The following PKD1L1 variants were observed in gnomAD, a reference collection of about 807,000 sequenced individuals.
PKD1L1 encodes polycystin-1-like protein 1.
PKD1L1 carries 236 observed loss-of-function variants against 323.4 expected under a neutral mutation model. That is an observed-to-expected ratio of 0.73 (90% confidence interval 0.66 to 0.81). The LOEUF is 0.81. PKD1L1 is among the 40% of genes least tolerant of loss of function. The pLI is 0.00. For missense variants in PKD1L1, 3,320 were observed against 3,508.0 expected (o/e 0.95, Z 1.35); for synonymous variants, 1,344 against 1,335.0 (o/e 1.01, Z -0.15).
At chr7:47,883,070 C>G (rs1309370152) in intron 19 of PKD1L1, among the ~76,000 whole-genome samples, 1 of 151,262 alleles carries the variant, frequency 6.6e-6, no homozygotes, top group East Asian at 1.9e-4. Flanking sequence ...AATACAAAGG[C>G]AGATCTTTCT....
chr7:47,848,524 T>C (rs1255349076), intron 31 of PKD1L1, among the ~76,000 whole-genome samples: 1 of 152,198 alleles, frequency 6.6e-6, no homozygotes, highest in African/African-American at 2.4e-5. Context: ...ATTATAATCA[T>C]CGAGGCTGGG....
intron 30 of PKD1L1, among the ~76,000 whole-genome samples, chr7:47,854,327 G>T (rs1472839257): frequency 6.6e-6 from 1 of 152,042 alleles, no homozygotes; most frequent in African/African-American, 2.4e-5. Context: ...AGGTGATCAA[G>T]GCCCTGCCCA....
At chr7:47,842,629 T>A (rs1489765915) in intron 34 of PKD1L1, among the ~76,000 whole-genome samples, 1 of 152,140 alleles carries the variant, frequency 6.6e-6, no homozygotes, top group Non-Finnish European at 1.5e-5. Flanking sequence ...GGGACTGTTG[T>A]CTTCAGCCCC....
rs181992221 is a variant in PKD1L1 at position 47,929,947 on chromosome 7, T to A, written c.738-421A>T. Among the ~76,000 whole-genome samples, 553 of 152,354 alleles carry A rather than the reference T, an allele frequency of 3.6e-3. 1 individual carries two copies. The highest frequency in any genetic ancestry group is 6.8e-3 in the Middle Eastern group (2 of 294). The stretch of plus-strand genomic sequence containing the variant: ...CTGTGTTTTTGCGAAAAGCTCCCCG[T>A]GAGGGTGGGTGCCACCCTTTCTACA... On this transcript the variant is annotated intron_variant, in intron 6 of 56. Transcript: ENST00000289672.
chr7:47,818,286 T>C, intron 46 of PKD1L1: 1 of 1,027,090 alleles, frequency 9.7e-7, no homozygotes, highest in Non-Finnish European at 1.3e-6. Context: ...GGCGGGAGGG[T>C]AGGAAAGAGG....
At chr7:47,862,277 G>A (rs1786048933) in intron 26 of PKD1L1, among the ~76,000 whole-genome samples, 7 of 152,188 alleles carry the variant, frequency 4.6e-5, no homozygotes, top group Admixed American at 4.6e-4. Flanking sequence ...GCATGACCAG[G>A]TGTGTTGCTT....
rs367654359 is a variant in PKD1L1, at chr7:47,834,342, G to A, written c.6171C>T (p.Arg2057=). ...CTGCGCATAATGATTGATTTACCTT[G>A]CGTGGCTCCTGTGCGTCTGGTATCC... The part of the protein sequence containing the change: ...WGRIPDAQEP[R]KQPASAILSG... The change falls in exon 40 of 57, where the codon CGC becomes CGT. Residue 2057 remains arginine, a synonymous_variant. Coordinates refer to ENST00000289672, the MANE Select transcript of PKD1L1 (RefSeq NM_138295.5). 1 of 1,613,688 alleles carries A rather than the reference G, an allele frequency of 6.2e-7. No homozygotes were observed. Among genetic ancestry groups the A allele is most frequent in the Non-Finnish European group, 8.5e-7 (1 of 1,179,632 alleles).
At position 47,885,674 on chromosome 7, in the gene PKD1L1, A is replaced by G. The variant is rs1353622935; in HGVS notation, c.3205+12T>C. The G allele has an allele frequency of 1.9e-6, 3 of 1,604,360 alleles. No homozygotes were observed. Among genetic ancestry groups the G allele is most frequent in the South Asian group, 2.2e-5 (2 of 89,598 alleles). Reference sequence around the variant, plus strand: ...GACAAGAGGGATGACATGCAGGAACAGTGGCACTTACCAGAGAGGTGAGGG... The same window carrying G: ...GACAAGAGGGATGACATGCAGGAACGGTGGCACTTACCAGAGAGGTGAGGG... On this transcript the variant is annotated intron_variant, in intron 18 of 56. Coordinates refer to ENST00000289672, the MANE Select transcript of PKD1L1 (RefSeq NM_138295.5).
chr7:47,850,895 G>A (rs1015732947), intron 31 of PKD1L1, among the ~76,000 whole-genome samples: 10 of 152,112 alleles, frequency 6.6e-5, no homozygotes, highest in Non-Finnish European at 1.3e-4. Flanking sequence ...ATTCTAAAAC[G>A]ATTTGGTGTA....
At chr7:47,960,686 T>C in the PKD1L1 span, among the ~76,000 whole-genome samples, 1 of 142,322 alleles carries the variant, frequency 7.0e-6, no homozygotes, top group Non-Finnish European at 1.5e-5. Context: ...AAATAATTTT[T>C]CTAATTAAAA....
At chr7:47,884,173 G>A (rs909935207) in intron 19 of PKD1L1, among the ~76,000 whole-genome samples, 2 of 151,034 alleles carry the variant, frequency 1.3e-5, no homozygotes, top group Non-Finnish European at 2.9e-5. Context: ...GTGTTTTGGG[G>A]GTTGGGGGGA....
chr7:47,879,841 G>C (rs565988459), intron 21 of PKD1L1, among the ~76,000 whole-genome samples: 1 of 139,212 alleles, frequency 7.2e-6, no homozygotes, highest in South Asian at 2.3e-4. Context: ...GCTGAGGCAG[G>C]AGAATGGCGT....
At chr7:47,792,215 T>C (rs1228315807) in intron 56 of PKD1L1, among the ~76,000 whole-genome samples, 1 of 152,216 alleles carries the variant, frequency 6.6e-6, no homozygotes, top group Non-Finnish European at 1.5e-5. Flanking sequence ...TGTGTGCTCT[T>C]GGAAATGGTA....
At chr7:47,858,361 C>T (rs546018464) in intron 27 of PKD1L1, among the ~76,000 whole-genome samples, 71 of 142,760 alleles carry the variant, frequency 5.0e-4, no homozygotes, top group Non-Finnish European at 9.7e-4. Context: ...CATAATTCCT[C>T]AAAAAAACAG....
At chr7:47,944,414 C>T (rs2128759425) in intron 1 of PKD1L1, among the ~76,000 whole-genome samples, 1 of 152,352 alleles carries the variant, frequency 6.6e-6, no homozygotes, top group South Asian at 2.1e-4. Context: ...GCCAATTAAA[C>T]TTCCTTTCTC....
rs1281077170 is a variant in PKD1L1 at position 47,884,471 on chromosome 7, A to G, written c.3265+127T>C. On this transcript the variant is annotated intron_variant, in intron 19 of 56. Transcript: ENST00000289672. ...TCAGACCGTGCCATGTAAGAGTTCA[A>G]CTTTTCCCTGTGATTCTGTGGAGCT... The G allele has an allele frequency of 1.2e-5, 10 of 842,568 alleles. No individual in the cohort carries two copies. In the East Asian group the frequency reaches 2.1e-4, roughly 18 times the overall value. The allele number at this position is 842,568 out of a possible 1,614,324, so 52.2% of individuals were successfully genotyped here. A position where few individuals can be genotyped will look rare whatever the true frequency, so the allele number is the denominator to read the frequency against.
In PKD1L1 at chr7:47,877,511, A is replaced by G. The variant is rs746134957; in HGVS notation, c.3641T>C (p.Val1214Ala). ...TACCGGTTTTCCAGACATGCAGAAG[A>G]CACTGAAGACGGTGTGTGCTTCCAG... Reference protein sequence around the residue: ...HGLEAHTVFSVFCMSGKPDFH... With the variant: ...HGLEAHTVFSAFCMSGKPDFH... Residue 1214 changes from valine (V) to alanine (A), a missense_variant, in exon 22 of 57, where the codon GTC (valine) becomes GCC (alanine). Coordinates refer to ENST00000289672, the MANE Select transcript of PKD1L1 (RefSeq NM_138295.5). The G allele has an allele frequency of 5.6e-6, 9 of 1,613,900 alleles. No homozygotes were observed. The Admixed American group carries it at 1.5e-4, about 27-fold the overall frequency.
chr7:47,796,579 C>A (rs1466823909), intron 54 of PKD1L1, among the ~76,000 whole-genome samples: 2 of 152,210 alleles, frequency 1.3e-5, no homozygotes, highest in African/African-American at 4.8e-5. Context: ...GTGCCCTCAA[C>A]ATGTGCTCTA....
At chr7:47,787,409 CT>C (rs1786833151) in intron 56 of PKD1L1, among the ~76,000 whole-genome samples, 1 of 152,172 alleles carries the variant, frequency 6.6e-6, no homozygotes, top group Non-Finnish European at 1.5e-5. Flanking sequence ...TGCATTGTTG[CT>C]GAAAACGTCC....
Sources: gnomAD v4.1 joint callset for allele counts (sites outside exome capture counted in the v4.1 genomes callset) on GRCh38, gnomAD v4.1.1 for gene constraint, MANE v1.5 for transcripts, NCBI Gene and HGNC (gene_info 2026-07-23, HGNC 2026-07-21) for gene names.